OR7A17: variants seen among roughly 807,000 people sequenced by gnomAD.
The protein encoded by OR7A17 is olfactory receptor 7A17.
For missense variants in OR7A17, 366 were observed against 365.5 expected, an observed-to-expected ratio of 1.00 and a Z score of -0.01; for synonymous variants, 159 against 142.1, an observed-to-expected ratio of 1.12 and a Z score of -0.85.
rs1388187538 is a variant in OR7A17, at chr19:14,880,176, T to C, written c.*250A>G. ...ATCTCCACCTTGTTTCTGACCCTAG[T>C]TTGGGAAAAACATTGGGAAAGTAGG... On this transcript the variant is annotated 3_prime_UTR_variant, in exon 3 of 3. Transcript: ENST00000641113. 7.7e-6 allele frequency: 2 copies of C among 261,396 alleles called. No individual in the cohort carries two copies. Among genetic ancestry groups the C allele is most frequent in the Non-Finnish European group, 1.4e-5 (2 of 144,538 alleles). 16.2% of individuals were successfully genotyped at this position (261,396 alleles called of 1,614,324 possible).
In OR7A17 at chr19:14,880,624, G is replaced by A. The variant is rs772288680; in HGVS notation, c.732C>T (p.His244=). ...KYKAFSTCAS[H]LSVVSLFCCT... ...AACAAAATAAAGAGACAACTGAGAGGTGTGATGCACAGGTGGAAAATGCCT... is the reference window on the plus strand; with the variant it reads ...AACAAAATAAAGAGACAACTGAGAGATGTGATGCACAGGTGGAAAATGCCT... Residue 244 remains histidine (H), a synonymous_variant, in exon 3 of 3, where the codon CAC becomes CAT. Transcript: ENST00000641113. 6.2e-7 allele frequency: 1 copy of A among 1,614,020 alleles called. No homozygotes were observed. The highest frequency in any genetic ancestry group is 1.3e-5 in the African/African-American group (1 of 74,888).
Position 14,881,465 on chromosome 19 carries a change from G to T in OR7A17, c.-110C>A. On this transcript the variant is annotated 5_prime_UTR_variant, in exon 3 of 3. Coordinates refer to ENST00000641113, the MANE Select transcript of OR7A17 (RefSeq NM_030901.2). ...GCTGGTCTGAACCTCCTGGACTCATGCGATCCTCCCACTTCAGCCTACAAA... is the reference window on the plus strand; with the variant it reads ...GCTGGTCTGAACCTCCTGGACTCATTCGATCCTCCCACTTCAGCCTACAAA... The T allele has an allele frequency of 1.5e-6, 1 of 657,878 alleles. No homozygotes were observed. The highest frequency in any genetic ancestry group is 2.2e-6 in the Non-Finnish European group (1 of 461,870). 40.8% of individuals were successfully genotyped at this position (657,878 alleles called of 1,614,324 possible). A position where few individuals can be genotyped will look rare whatever the true frequency, so the allele number is the denominator to read the frequency against.
rs1184376740 is a variant in OR7A17, at chr19:14,886,009, G to A, written c.-363C>T. 1 of 152,152 alleles carries A rather than the reference G, an allele frequency of 6.6e-6. No homozygotes were observed. The highest frequency in any genetic ancestry group is 6.5e-5 in the Admixed American group (1 of 15,268). 9.4% of individuals were successfully genotyped at this position (152,152 alleles called of 1,614,324 possible). A position where few individuals can be genotyped will look rare whatever the true frequency, so the allele number is the denominator to read the frequency against. On this transcript the variant is annotated 5_prime_UTR_variant, in exon 1 of 3. Transcript: ENST00000641113. ...AATTCCTCTCTAGCAGGTTGATGGT[G>A]GAGATGGAATCTCTGTCTCAAGACA...
chr19:14,883,151 G>A (rs999729523), intron 1 of OR7A17, among the ~76,000 whole-genome samples: 6 of 152,118 alleles, frequency 3.9e-5, no homozygotes, highest in Non-Finnish European at 8.8e-5. Flanking sequence ...CCATACTATT[G>A]AATCCTGGCT....
rs34590588 is a variant in OR7A17, at chr19:14,880,627, T to G, written c.729A>C (p.Ser243=). The G allele has an allele frequency of 0.033, 53,625 of 1,613,924 alleles. 1,298 individuals carry two copies. Among genetic ancestry groups the G allele is most frequent in the African/African-American group, 0.12 (8,776 of 74,926 alleles). Residue 243 remains serine, a synonymous_variant, in exon 3 of 3, where the codon TCA becomes TCC. Transcript: ENST00000641113. The part of the protein sequence containing the change: ...GKYKAFSTCA[S]HLSVVSLFCC... Reference sequence around the variant, plus strand: ...AAAATAAAGAGACAACTGAGAGGTGTGATGCACAGGTGGAAAATGCCTTGT... The same window carrying G: ...AAAATAAAGAGACAACTGAGAGGTGGGATGCACAGGTGGAAAATGCCTTGT...
chr19:14,885,464 G>A (rs1342126009), intron 1 of OR7A17, among the ~76,000 whole-genome samples: 1 of 152,112 alleles, frequency 6.6e-6, no homozygotes, highest in Non-Finnish European at 1.5e-5. Flanking sequence ...AAAATCACAA[G>A]CATTCCTATA....
chr19:14,880,380 G>A lies in OR7A17; in HGVS notation c.*46C>T. ...CGTGAATCACAATTTCTGAGTATGA[G>A]ACTTAAAGCTCTGAAATCACAGTTA... On this transcript the variant is annotated 3_prime_UTR_variant, in exon 3 of 3. Transcript: ENST00000641113. 2.7e-6 allele frequency: 4 copies of A among 1,460,986 alleles called. No individual in the cohort carries two copies. The highest frequency in any genetic ancestry group is 3.7e-6 in the Non-Finnish European group (4 of 1,078,976). The allele number at this position is 1,460,986 out of a possible 1,614,324, so 90.5% of individuals were successfully genotyped here. A position where few individuals can be genotyped will look rare whatever the true frequency, so the allele number is the denominator to read the frequency against.
rs758582140 is a variant in OR7A17 at position 14,881,183 on chromosome 19, G to C, written c.173C>G (p.Pro58Arg). Reference protein sequence around the residue: ...ATISDSHLHTPMYFFLSNLSF... With the variant: ...ATISDSHLHTRMYFFLSNLSF... ...CAGGTTGGAGAGGAAGAAGTACATGGGGGTGTGGAGGTGGGAGTCTGAGAT... is the reference window on the plus strand; with the variant it reads ...CAGGTTGGAGAGGAAGAAGTACATGCGGGTGTGGAGGTGGGAGTCTGAGAT... The change falls in exon 3 of 3, where the codon CCC (proline) becomes CGC (arginine). Residue 58 changes from proline to arginine, a missense_variant. By Grantham distance (103) the Pro-to-Arg change is moderately radical. Transcript: ENST00000641113. The C allele has an allele frequency of 1.2e-6, 2 of 1,614,058 alleles. No individual in the cohort carries two copies. The highest frequency in any genetic ancestry group is 1.7e-6 in the Non-Finnish European group (2 of 1,180,008).
rs1331914433 is a variant in OR7A17 at position 14,879,814 on chromosome 19, C to CT, written c.*611dup. ...TGGTACATGCCTGTAATCCCAGCTC[C>CT]TTGGGAGGCTGAGGCAGGAGAATTG... On this transcript the variant is annotated 3_prime_UTR_variant, in exon 3 of 3. Coordinates refer to ENST00000641113, the MANE Select transcript of OR7A17 (RefSeq NM_030901.2). The CT allele has an allele frequency of 6.6e-6, 1 of 152,312 alleles. No individual in the cohort carries two copies. Among genetic ancestry groups the CT allele is most frequent in the East Asian group, 2.0e-4 (1 of 5,118 alleles). The allele number at this position is 152,312 out of a possible 1,614,324, so 9.4% of individuals were successfully genotyped here. A position where few individuals can be genotyped will look rare whatever the true frequency, so the allele number is the denominator to read the frequency against.
In OR7A17 at chr19:14,880,399, A is replaced by T; in HGVS notation, c.*27T>A. 1 of 1,521,590 alleles carries T rather than the reference A, an allele frequency of 6.6e-7. No homozygotes were observed. The highest frequency in any genetic ancestry group is 8.9e-7 in the Non-Finnish European group (1 of 1,127,350). The allele number at this position is 1,521,590 out of a possible 1,614,324, so 94.3% of individuals were successfully genotyped here. ...GTATGAGACTTAAAGCTCTGAAATCACAGTTATTTCTTGAAAAATGGCCCT... is the reference window on the plus strand; with the variant it reads ...GTATGAGACTTAAAGCTCTGAAATCTCAGTTATTTCTTGAAAAATGGCCCT... On this transcript the variant is annotated 3_prime_UTR_variant, in exon 3 of 3. Transcript: ENST00000641113.
intron 1 of OR7A17, among the ~76,000 whole-genome samples, chr19:14,885,031 G>A (rs2045129675): frequency 6.6e-6 from 1 of 152,120 alleles, no homozygotes; most frequent in Non-Finnish European, 1.5e-5. Context: ...AAAACTACAT[G>A]ATTATCTCAA....
Position 14,883,542 on chromosome 19 carries a change from T to C in OR7A17, c.-294-1671A>G, listed in dbSNP as rs146448715. Among the ~76,000 whole-genome samples, 508 of 152,350 alleles carry C rather than the reference T, an allele frequency of 3.3e-3. 2 individuals are homozygous for C. The highest frequency in any genetic ancestry group is 0.012 in the African/African-American group (479 of 41,570). Reference sequence around the variant, plus strand: ...CCATATGATTTCATCCTTGAGGACATTGTGTCATAGACACATTTGTTACAT... The same window carrying C: ...CCATATGATTTCATCCTTGAGGACACTGTGTCATAGACACATTTGTTACAT... On this transcript the variant is annotated intron_variant, in intron 1 of 2. Transcript: ENST00000641113.
In OR7A17 at chr19:14,881,394, T is replaced by G. The variant is rs1337600221; in HGVS notation, c.-39A>C. 1 of 1,163,404 alleles carries G rather than the reference T, an allele frequency of 8.6e-7. No homozygotes were observed. The highest frequency in any genetic ancestry group is 1.1e-6 in the Non-Finnish European group (1 of 904,808). 72.1% of individuals were successfully genotyped at this position (1,163,404 alleles called of 1,614,324 possible). ...TTTATTTATTTATTTATTTATTTAT[T>G]TATTTATTTATTAACATAGACAGGG... is the stretch of plus-strand genomic sequence containing the variant. On this transcript the variant is annotated 5_prime_UTR_variant, in exon 3 of 3. It removes the in-frame stop codon of an upstream open reading frame in the 5' UTR. Coordinates refer to ENST00000641113, the MANE Select transcript of OR7A17 (RefSeq NM_030901.2).
rs150605532 is a variant in OR7A17 at position 14,880,634 on chromosome 19, C to G, written c.722G>C (p.Cys241Ser). 3 of 1,613,996 alleles carry G rather than the reference C, an allele frequency of 1.9e-6. No individual in the cohort carries two copies. In the East Asian group the frequency reaches 6.7e-5, roughly 36 times the overall value. ...AGAGACAACTGAGAGGTGTGATGCA[C>G]AGGTGGAAAATGCCTTGTACTTCCC... ...AQGKYKAFST[C>S]ASHLSVVSLF... Residue 241 changes from cysteine to serine, a missense_variant, in exon 3 of 3, where the codon TGT (cysteine) becomes TCT (serine). Physicochemically the swap from Cys to Ser is moderately radical, Grantham distance 112 (BLOSUM62 -1). Transcript: ENST00000641113.
chr19:14,881,258 G>T lies in OR7A17; in HGVS notation c.98C>A (p.Ser33Tyr), dbSNP rs1394676916. ...CCCGAGCACAGTGACCAGGTACATG[G>T]ACAGAAACAGCCCAAAGAGGAAGGG... Reference protein sequence around the residue: ...LQPFLFGLFLSMYLVTVLGNL... With the variant: ...LQPFLFGLFLYMYLVTVLGNL... The change falls in exon 3 of 3, where the codon TCC becomes TAC. Residue 33 changes from serine to tyrosine, a missense_variant. Coordinates refer to ENST00000641113, the MANE Select transcript of OR7A17 (RefSeq NM_030901.2). 1 of 1,613,904 alleles carries T rather than the reference G, an allele frequency of 6.2e-7. No homozygotes were observed. The highest frequency in any genetic ancestry group is 1.3e-5 in the African/African-American group (1 of 74,892).
chr19:14,882,209 G>C (rs1334356300), intron 1 of OR7A17, among the ~76,000 whole-genome samples: 1 of 152,088 alleles, frequency 6.6e-6, no homozygotes, highest in Non-Finnish European at 1.5e-5. Flanking sequence ...GTACTGTATA[G>C]ATAATGAGTC....
chr19:14,883,866 CATAAAATTATATAATACACA>C (rs2045124311), intron 1 of OR7A17, among the ~76,000 whole-genome samples: 2 of 152,084 alleles, frequency 1.3e-5, no homozygotes, highest in Non-Finnish European at 2.9e-5. Context: ...AAGACCTAGA[CATAAAATTATATAATACACA>C]ATGTTTCTAA....
intron 1 of OR7A17, among the ~76,000 whole-genome samples, chr19:14,883,884 A>G (rs2045124412): frequency 6.6e-6 from 1 of 152,206 alleles, no homozygotes; most frequent in African/African-American, 2.4e-5. Flanking sequence ...TATATAATAC[A>G]CAATGTTTCT....
In OR7A17 at chr19:14,881,777, A is replaced by G. The variant is rs2045113756; in HGVS notation, c.-200T>C. 6.6e-6 allele frequency: 1 copy of G among 152,426 alleles called. No homozygotes were observed. 9.4% of individuals were successfully genotyped at this position (152,426 alleles called of 1,614,324 possible). On this transcript the variant is annotated 5_prime_UTR_variant, in exon 2 of 3. It removes an upstream start codon present in the reference 5' UTR. Coordinates refer to ENST00000641113, the MANE Select transcript of OR7A17 (RefSeq NM_030901.2). ...AGCCAATTAACATTAGTATTACCTC[A>G]TATAGTCATCATTCTTGTGGCGAGA... is the stretch of plus-strand genomic sequence containing the variant.
Sources: allele counts gnomAD v4.1 joint callset (sites outside exome capture counted in the v4.1 genomes callset), GRCh38; gene constraint gnomAD v4.1.1; transcripts MANE v1.5; gene names NCBI Gene and HGNC (gene_info 2026-07-23, HGNC 2026-07-21).